Variants in ATP9A observed in about 807,000 individuals in gnomAD.
ATP9A encodes ATPase phospholipid transporting 9A, also known as probable phospholipid-transporting ATPase IIA.
ATP9A carries 52 observed loss-of-function variants against 144.1 expected under a neutral mutation model. The ratio of observed to expected loss-of-function variants is 0.36; its 90% CI spans 0.29 to 0.45. The LOEUF is 0.45. Among genes scored for constraint, ATP9A ranks in the 20% least tolerant of loss-of-function variants. The pLI is 1.00. For missense variants in ATP9A, 947 were observed against 1,392.7 expected (o/e 0.68, Z 5.09); for synonymous variants, 582 against 557.4 (o/e 1.04, Z -0.62).
intron 17 of ATP9A, among the ~76,000 whole-genome samples, chr20:51,626,762 T>C (rs536479343): frequency 7.9e-5 from 12 of 151,610 alleles, no homozygotes; most frequent in African/African-American, 2.7e-4. Flanking sequence ...ACTAAGGATA[T>C]AAGAATAAAC....
In ATP9A at chr20:51,628,989, C is replaced by T. The variant is rs149146343; in HGVS notation, c.1752G>A (p.Leu584=). 104 of 1,613,486 alleles carry T rather than the reference C, an allele frequency of 6.4e-5. No homozygotes were observed. The African/African-American group carries it at 1.2e-3, about 19-fold the overall frequency. The change falls in exon 16 of 28, where the codon TTG becomes TTA. Residue 584 remains leucine, a synonymous_variant. Coordinates refer to ENST00000338821, the MANE Select transcript of ATP9A (RefSeq NM_006045.3). The part of the protein sequence containing the change: ...MAGIVQYNDW[L]EEECGNMARE... ...CCTGCATCACACTTACCTCTTCCTC[C>T]AACCAGTCATTGTACTGCACAATGC...
chr20:51,693,689 C>T (rs1318539092), intron 7 of ATP9A, among the ~76,000 whole-genome samples: 1 of 152,110 alleles, frequency 6.6e-6, no homozygotes, highest in African/African-American at 2.4e-5. Flanking sequence ...AGGTGCATGC[C>T]GCTGAGCCTG....
intron 4 of ATP9A, among the ~76,000 whole-genome samples, chr20:51,710,554 G>A (rs561552938): frequency 5.3e-5 from 8 of 152,188 alleles, no homozygotes; most frequent in South Asian, 4.1e-4. Context: ...AACTAAACTC[G>A]CCTCGATCAC....
At chr20:51,672,123 G>C (rs1471181999) in intron 11 of ATP9A, among the ~76,000 whole-genome samples, 1 of 152,004 alleles carries the variant, frequency 6.6e-6, no homozygotes, top group African/African-American at 2.4e-5. Flanking sequence ...CTTAGACACT[G>C]CATGTAAGTT....
intron 15 of ATP9A, among the ~76,000 whole-genome samples, chr20:51,630,828 G>A (rs951589840): frequency 2.6e-5 from 4 of 152,172 alleles, no homozygotes; most frequent in East Asian, 1.9e-4. Flanking sequence ...CAACCTTGAT[G>A]TTATCGCACA....
chr20:51,754,089 G>A (rs2077845466), intron 1 of ATP9A, among the ~76,000 whole-genome samples: 1 of 145,922 alleles, frequency 6.9e-6, no homozygotes, highest in South Asian at 2.3e-4. Flanking sequence ...AGAGTGCCTG[G>A]CCAGGCCCTG....
intron 9 of ATP9A, among the ~76,000 whole-genome samples, chr20:51,687,424 T>A (rs189067061): frequency 6.6e-6 from 1 of 152,234 alleles, no homozygotes; most frequent in East Asian, 1.9e-4. Context: ...CTTCATTCCC[T>A]CTCCTTGCCA....
In ATP9A at chr20:51,618,560, G is replaced by A. The variant is rs1347654924; in HGVS notation, c.2350+102C>T. The A allele has an allele frequency of 4.1e-6, 6 of 1,463,596 alleles. No individual in the cohort carries two copies. The African/African-American group carries it at 7.1e-5, about 17-fold the overall frequency. 90.7% of individuals were successfully genotyped at this position (1,463,596 alleles called of 1,614,324 possible). ...ATCATGACCTGAACAAAGGGGCCTG[G>A]GGAATTTGAAGAAAGAGCAGCAGTG... On this transcript the variant is annotated intron_variant, in intron 21 of 27. Coordinates refer to ENST00000338821, the MANE Select transcript of ATP9A (RefSeq NM_006045.3).
chr20:51,725,046 G>C (rs1238550972), intron 3 of ATP9A, among the ~76,000 whole-genome samples: 1 of 152,156 alleles, frequency 6.6e-6, no homozygotes, highest in Non-Finnish European at 1.5e-5. Context: ...AAATGCTCCA[G>C]TGAGCATTTC....
chr20:51,610,386 T>C (rs946763575), intron 23 of ATP9A, among the ~76,000 whole-genome samples: 7 of 152,106 alleles, frequency 4.6e-5, no homozygotes, highest in South Asian at 2.1e-4. Flanking sequence ...AAGTGAGGCA[T>C]AGAGAGGGTA....
At position 51,674,089 on chromosome 20, in the gene ATP9A, T is replaced by A. The variant is rs1023720934; in HGVS notation, c.1037+64A>T. 38 of 1,520,722 alleles carry A rather than the reference T, an allele frequency of 2.5e-5. No homozygotes were observed. In the Admixed American group the frequency reaches 7.2e-4, roughly 29 times the overall value. 94.2% of individuals were successfully genotyped at this position (1,520,722 alleles called of 1,614,324 possible). ...AATAATAAAAGCCACAGAACCATCA[T>A]CTTTGAATGAGTAAAGAGAAGAAGA... On this transcript the variant is annotated intron_variant, in intron 11 of 27. Coordinates refer to ENST00000338821, the MANE Select transcript of ATP9A (RefSeq NM_006045.3).
At chr20:51,767,578 G>A (rs1031175646) in intron 1 of ATP9A, among the ~76,000 whole-genome samples, 7 of 152,194 alleles carry the variant, frequency 4.6e-5, no homozygotes, top group African/African-American at 1.7e-4. Flanking sequence ...CGCCTAAGCT[G>A]CCCTCGGGGT....
Position 51,725,808 on chromosome 20 carries a change from G to A in ATP9A, c.327+11C>T, listed in dbSNP as rs368931971. On this transcript the variant is annotated intron_variant, in intron 3 of 27. Transcript: ENST00000338821. Reference sequence around the variant, plus strand: ...CTAAGGTTACTGAACAAACAATGCCGATTAACTTACCAGGGGAACCCAGTA... The same window carrying A: ...CTAAGGTTACTGAACAAACAATGCCAATTAACTTACCAGGGGAACCCAGTA... 1.2e-5 allele frequency: 18 copies of A among 1,539,232 alleles called. No individual in the cohort carries two copies. The highest frequency in any genetic ancestry group is 5.0e-5 in the Admixed American group (3 of 59,748).
At chr20:51,725,792 C>G in intron 3 of ATP9A, 27 bp downstream of exon 3, 4 of 1,453,312 alleles carry the variant, frequency 2.8e-6, no homozygotes, top group Non-Finnish European at 3.9e-6. Context: ...TCTAAGGTTA[C>G]TGAACAAACA....
intron 9 of ATP9A, among the ~76,000 whole-genome samples, chr20:51,687,840 T>G (rs1338980759): frequency 6.6e-6 from 1 of 151,690 alleles, no homozygotes; most frequent in Non-Finnish European, 1.5e-5. Context: ...AACGGCTTGA[T>G]GGTGGGGAGT....
At chr20:51,754,480 G>A (rs2077847424) in intron 1 of ATP9A, among the ~76,000 whole-genome samples, 1 of 151,900 alleles carries the variant, frequency 6.6e-6, no homozygotes, top group Non-Finnish European at 1.5e-5. Flanking sequence ...TCTGGCATGG[G>A]CAACAAGAAC....
At chr20:51,742,602 C>T (rs540494799) in intron 1 of ATP9A, among the ~76,000 whole-genome samples, 6 of 152,088 alleles carry the variant, frequency 3.9e-5, no homozygotes, top group Non-Finnish European at 8.8e-5. Context: ...GCAACCTCCG[C>T]CTCCTGGGTT....
intron 4 of ATP9A, among the ~76,000 whole-genome samples, chr20:51,709,744 G>A (rs891695085): frequency 2.0e-5 from 3 of 152,078 alleles, no homozygotes; most frequent in African/African-American, 2.4e-5. Flanking sequence ...ATAAATAACT[G>A]TGGTGAAATG....
At chr20:51,655,946 T>C (rs1419196593) in intron 14 of ATP9A, among the ~76,000 whole-genome samples, 1 of 151,932 alleles carries the variant, frequency 6.6e-6, no homozygotes, top group African/African-American at 2.4e-5. Flanking sequence ...TATTCAGTGA[T>C]AAAAAGGAAT....
Sources: gnomAD v4.1 joint callset for allele counts (sites outside exome capture counted in the v4.1 genomes callset) on GRCh38, gnomAD v4.1.1 for gene constraint, MANE v1.5 for transcripts, NCBI Gene and HGNC (gene_info 2026-07-23, HGNC 2026-07-21) for gene names.